The following RBFOX1 variants were observed in gnomAD, a reference collection of about 807,000 sequenced individuals.
RBFOX1 encodes the protein RNA binding fox-1 homolog 1, also known as RNA binding protein fox-1 homolog 1.
In RBFOX1, 8 loss-of-function variants were observed where a neutral mutation model predicts 57.7. The observed-to-expected ratio is 0.14, with a 90% confidence interval of 0.08 to 0.25. The LOEUF is 0.25. Among genes scored for constraint, RBFOX1 ranks in the 10% least tolerant of loss-of-function variants. The pLI is 1.00. For synonymous variants in RBFOX1, 326 were observed against 222.4 expected, an observed-to-expected ratio of 1.47 and a Z score of -4.15; for missense variants, 611 against 548.5, an observed-to-expected ratio of 1.11 and a Z score of -1.14.
At chr16:6,077,112 T>C (rs1350213933) in intron 1 of RBFOX1, among the ~76,000 whole-genome samples, 1 of 152,072 alleles carries the variant, frequency 6.6e-6, no homozygotes, top group Non-Finnish European at 1.5e-5. Flanking sequence ...GAGGGAAACG[T>C]AAAATGGGGA....
chr16:6,632,670 T>C (rs896450592), intron 2 of RBFOX1, among the ~76,000 whole-genome samples: 1 of 152,198 alleles, frequency 6.6e-6, no homozygotes, highest in Non-Finnish European at 1.5e-5. Flanking sequence ...CTGACTGATA[T>C]CCGGCGAAGG....
chr16:6,819,803 G>C (rs1035434018), intron 3 of RBFOX1, among the ~76,000 whole-genome samples: 1 of 149,532 alleles, frequency 6.7e-6, no homozygotes, highest in Non-Finnish European at 1.5e-5. Flanking sequence ...TGTTGATTAC[G>C]ACACTGGTAA....
intron 1 of RBFOX1, among the ~76,000 whole-genome samples, chr16:6,204,535 A>G (rs1046026161): frequency 1.3e-5 from 2 of 152,202 alleles, no homozygotes; most frequent in African/African-American, 4.8e-5. Flanking sequence ...CAGAAATTGG[A>G]ACTAATGTTC....
At chr16:5,316,894 G>T (rs949015484) in intron 1 of RBFOX1, among the ~76,000 whole-genome samples, 2 of 152,096 alleles carry the variant, frequency 1.3e-5, no homozygotes, top group Admixed American at 1.3e-4. Flanking sequence ...ATATGGGTGG[G>T]CAGAGTCCAA....
At chr16:6,230,279 G>A (rs1191136529) in intron 1 of RBFOX1, among the ~76,000 whole-genome samples, 3 of 151,956 alleles carry the variant, frequency 2.0e-5, no homozygotes, top group Non-Finnish European at 4.4e-5. Flanking sequence ...CTTACTATAT[G>A]CTTGGTAATT....
chr16:5,372,331 C>T (rs941118388), intron 1 of RBFOX1, among the ~76,000 whole-genome samples: 5 of 152,190 alleles, frequency 3.3e-5, no homozygotes, highest in Non-Finnish European at 7.3e-5. Context: ...CAATACCCAC[C>T]TCTTTCTCCC....
At chr16:7,397,273 G>T (rs1435010966) in intron 4 of RBFOX1, among the ~76,000 whole-genome samples, 5 of 152,128 alleles carry the variant, frequency 3.3e-5, no homozygotes, top group Admixed American at 1.3e-4. Context: ...GTTTAAATCT[G>T]GGGTGTATTT....
intron 4 of RBFOX1, among the ~76,000 whole-genome samples, chr16:7,279,592 T>C (rs2095503309): frequency 6.6e-6 from 1 of 152,112 alleles, no homozygotes; most frequent in South Asian, 2.1e-4. Flanking sequence ...ACGTTAGACA[T>C]CAAAATAAAA....
At chr16:7,177,072 C>T (rs1169537733) in intron 4 of RBFOX1, among the ~76,000 whole-genome samples, 3 of 152,146 alleles carry the variant, frequency 2.0e-5, no homozygotes, top group Non-Finnish European at 2.9e-5. Context: ...CAGACATTGC[C>T]TGTCATAAAA....
intron 3 of RBFOX1, among the ~76,000 whole-genome samples, chr16:6,730,466 C>T (rs1393161794): frequency 6.6e-6 from 1 of 151,790 alleles, no homozygotes; most frequent in Non-Finnish European, 1.5e-5. Flanking sequence ...CTAATCTATC[C>T]ATCTATCTAA....
intron 3 of RBFOX1, among the ~76,000 whole-genome samples, chr16:6,859,431 C>T (rs1017877329): frequency 6.6e-6 from 1 of 151,876 alleles, no homozygotes; most frequent in Non-Finnish European, 1.5e-5. Context: ...TACTTGTCAG[C>T]TCTCTGTTCA....
intron 2 of RBFOX1, among the ~76,000 whole-genome samples, chr16:6,572,006 C>T (rs1256290511): frequency 6.6e-6 from 1 of 152,032 alleles, no homozygotes; most frequent in East Asian, 1.9e-4. Flanking sequence ...ATTTTTATAC[C>T]TTTACATGGC....
chr16:5,934,796 T>C (rs1393120969), intron 4 of RBFOX1, among the ~76,000 whole-genome samples: 6 of 152,100 alleles, frequency 3.9e-5, no homozygotes, highest in Non-Finnish European at 8.8e-5. Flanking sequence ...GATGGATGAA[T>C]AACATACTCA....
At chr16:7,461,413 A>C (rs1252788497) in intron 4 of RBFOX1, among the ~76,000 whole-genome samples, 1 of 152,086 alleles carries the variant, frequency 6.6e-6, no homozygotes, top group African/African-American at 2.4e-5. Context: ...TGATCCGCTC[A>C]CCTTAGCCTC....
chr16:7,326,393 A>G (rs571335436), intron 4 of RBFOX1, among the ~76,000 whole-genome samples: 1 of 152,278 alleles, frequency 6.6e-6, no homozygotes, highest in Admixed American at 6.5e-5. Context: ...GGATGTATAT[A>G]TAAGCAGTTT....
Position 5,387,255 on chromosome 16 carries a change from A to G in RBFOX1, c.220-79961A>G, listed in dbSNP as rs139207238. 7.0e-4 allele frequency among the ~76,000 whole-genome samples: 107 copies of G among 152,188 alleles called. 2 individuals carry two copies. Among genetic ancestry groups the G allele is most frequent in the Non-Finnish European group, 1.2e-3 (80 of 68,002 alleles). On this transcript the variant is annotated intron_variant, in intron 1 of 2. Coordinates refer to the RBFOX1 transcript ENST00000585867. Reference sequence around the variant, plus strand: ...GATGAATAAGTAAGGCAGTGTTCTCATTTTCAGAATCTGCTGGGAGTTTCA... The same window carrying G: ...GATGAATAAGTAAGGCAGTGTTCTCGTTTTCAGAATCTGCTGGGAGTTTCA...
At chr16:5,879,049 T>G (rs1202880298) in intron 4 of RBFOX1, among the ~76,000 whole-genome samples, 1 of 152,250 alleles carries the variant, frequency 6.6e-6, no homozygotes, top group African/African-American at 2.4e-5. Context: ...TCTGGTCCTG[T>G]AGCCCCCTCC....
intron 3 of RBFOX1, among the ~76,000 whole-genome samples, chr16:7,000,574 CT>C (rs113810130): frequency 0.042 from 4,932 of 117,772 alleles, 112 homozygotes; most frequent in Admixed American, 0.071. Context: ...GTTTTCTTTT[CT>C]TTTTTTCTTT....
At chr16:7,689,487 A>G (rs2076863113) in intron 14 of RBFOX1, among the ~76,000 whole-genome samples, 1 of 152,128 alleles carries the variant, frequency 6.6e-6, no homozygotes, top group Non-Finnish European at 1.5e-5. Context: ...GAGCTGATCA[A>G]CAGGCAGGCC....
Sources: allele counts gnomAD v4.1 joint callset (sites outside exome capture counted in the v4.1 genomes callset), GRCh38; gene constraint gnomAD v4.1.1; transcripts MANE v1.5; gene names NCBI Gene and HGNC (gene_info 2026-07-23, HGNC 2026-07-21).